The following TMEM232 variants were observed in gnomAD, a reference collection of about 807,000 sequenced individuals.
TMEM232 encodes the protein transmembrane protein 232.
In TMEM232, 80 loss-of-function variants were observed where a neutral mutation model predicts 78.8. The observed-to-expected ratio is 1.01, with a 90% CI of 0.85 to 1.22. The LOEUF is 1.22. Ranked by LOEUF, TMEM232 falls within the 50% of genes most tolerant of loss-of-function variation. The pLI, the probability that TMEM232 is intolerant of heterozygous loss-of-function variation, is 0.00. For synonymous variants in TMEM232, 297 were observed against 254.3 expected (o/e 1.17, Z -1.60); for missense variants, 881 against 742.2 (o/e 1.19, Z -2.17).
chr5:110,720,515 G>A (rs1797488334), intron 1 of TMEM232: 2 of 152,078 alleles, frequency 1.3e-5, no homozygotes, highest in Admixed American at 6.6e-5. Context: ...TCTGCACAAA[G>A]TTCAGCTTAC....
intron 1 of TMEM232, among the ~76,000 whole-genome samples, chr5:110,686,433 G>C (rs576510252): frequency 6.6e-6 from 1 of 151,886 alleles, no homozygotes; most frequent in Non-Finnish European, 1.5e-5. Context: ...GAGCCATTTT[G>C]GTTGTCCAAC....
chr5:110,537,793 C>T (rs896804784), intron 11 of TMEM232, among the ~76,000 whole-genome samples: 4 of 152,204 alleles, frequency 2.6e-5, no homozygotes, highest in Non-Finnish European at 5.9e-5. Flanking sequence ...TAAGGAAAAG[C>T]TAGAAAGCTA....
intron 1 of TMEM232, among the ~76,000 whole-genome samples, chr5:110,678,216 C>A (rs979824184): frequency 6.6e-6 from 1 of 152,136 alleles, no homozygotes; most frequent in African/African-American, 2.4e-5. Flanking sequence ...AGGCACCCAC[C>A]ACCAAGCCTG....
chr5:110,689,507 A>C (rs1793830387), intron 1 of TMEM232, among the ~76,000 whole-genome samples: 1 of 152,062 alleles, frequency 6.6e-6, no homozygotes, highest in African/African-American at 2.4e-5. Context: ...GTGCTTTAGA[A>C]ACCCTTGGAC....
intron 8 of TMEM232, among the ~76,000 whole-genome samples, chr5:110,613,140 C>T (rs1274368599): frequency 1.3e-5 from 2 of 152,056 alleles, no homozygotes; most frequent in African/African-American, 4.8e-5. Context: ...TTCCCTGTCC[C>T]CCAGCGAGGC....
At chr5:110,521,882 T>C (rs1322107003) in intron 12 of TMEM232, among the ~76,000 whole-genome samples, 7 of 152,182 alleles carry the variant, frequency 4.6e-5, no homozygotes, top group Non-Finnish European at 1.0e-4. Flanking sequence ...TATTTTGAAA[T>C]CAGAAAGTGT....
chr5:110,612,740 G>T (rs1449775377), intron 8 of TMEM232, among the ~76,000 whole-genome samples: 1 of 152,088 alleles, frequency 6.6e-6, no homozygotes, highest in Non-Finnish European at 1.5e-5. Flanking sequence ...TTTTGTGTTG[G>T]AAGATATAAT....
rs551710686 is a variant in TMEM232 at position 110,600,410 on chromosome 5, C to T, written c.1276+4699G>A. ...GAAAAGAATAACAAAATAGATAGAACGCTAGCCAGACTATTACAGAAGAAA... is the reference window on the plus strand; with the variant it reads ...GAAAAGAATAACAAAATAGATAGAATGCTAGCCAGACTATTACAGAAGAAA... On this transcript the variant is annotated intron_variant, in intron 10 of 13. Transcript: ENST00000455884. Among the ~76,000 whole-genome samples the T allele has an allele frequency of 6.6e-5, 10 of 152,000 alleles. No individual in the cohort carries two copies. In the South Asian group the frequency reaches 8.3e-4, roughly 13 times the overall value.
intron 8 of TMEM232, among the ~76,000 whole-genome samples, chr5:110,616,757 T>G (rs1003301084): frequency 3.9e-5 from 6 of 152,022 alleles, no homozygotes; most frequent in Non-Finnish European, 5.9e-5. Context: ...AATGACATTA[T>G]CACCTCACAC....
At chr5:110,418,372 G>A (rs528083309), downstream of TMEM232, among the ~76,000 whole-genome samples, 1 of 141,158 alleles carries the variant, frequency 7.1e-6, no homozygotes, top group Non-Finnish European at 1.6e-5. Flanking sequence ...CGTAACTAGA[G>A]TGTGATTCCA....
intron 11 of TMEM232, among the ~76,000 whole-genome samples, chr5:110,530,420 C>A (rs1771275856): frequency 6.6e-6 from 1 of 152,168 alleles, no homozygotes. Flanking sequence ...GAGAGAGCTG[C>A]CCTGCCATGT....
intron 11 of TMEM232, among the ~76,000 whole-genome samples, chr5:110,534,068 A>C (rs566081459): frequency 2.0e-5 from 3 of 152,148 alleles, no homozygotes; most frequent in Non-Finnish European, 2.9e-5. Context: ...AGCTTTACTC[A>C]ACATGCCCCA....
At chr5:110,573,196 C>A (rs943057802) in intron 10 of TMEM232, among the ~76,000 whole-genome samples, 1 of 151,868 alleles carries the variant, frequency 6.6e-6, no homozygotes, top group African/African-American at 2.4e-5. Flanking sequence ...GTGTTTGAAC[C>A]CTTTGATAGA....
At chr5:110,571,067 C>T (rs1053163817) in intron 10 of TMEM232, among the ~76,000 whole-genome samples, 3 of 152,002 alleles carry the variant, frequency 2.0e-5, no homozygotes, top group South Asian at 2.1e-4. Flanking sequence ...TGGCTTCTAT[C>T]GAGACTCCTG....
At position 110,693,973 on chromosome 5, in the gene TMEM232, G is replaced by A. The variant is rs542698155; in HGVS notation, c.-12-26609C>T. ...AGAGAATGCCACAAAGATACTCCTC[G>A]AGAAGAGCAACTCCAAGACACATTA... On this transcript the variant is annotated intron_variant, in intron 1 of 13. Transcript: ENST00000455884. Among the ~76,000 whole-genome samples the A allele has an allele frequency of 9.9e-5, 15 of 152,114 alleles. No homozygotes were observed. In the South Asian group the frequency reaches 1.7e-3, roughly 17 times the overall value.
intron 10 of TMEM232, among the ~76,000 whole-genome samples, chr5:110,594,962 T>C (rs1308952207): frequency 6.6e-6 from 1 of 152,206 alleles, no homozygotes; most frequent in African/African-American, 2.4e-5. Context: ...CGGTGACCCC[T>C]GTGCCTCCTG....
intron 12 of TMEM232, among the ~76,000 whole-genome samples, chr5:110,430,745 A>G (rs191233298): frequency 6.3e-4 from 95 of 151,920 alleles, no homozygotes; most frequent in Non-Finnish European, 7.1e-4. Flanking sequence ...AAAATTTTCA[A>G]TAACCTTTAG....
intron 12 of TMEM232, among the ~76,000 whole-genome samples, chr5:110,520,746 C>G (rs1227366786): frequency 6.6e-6 from 1 of 152,010 alleles, no homozygotes; most frequent in East Asian, 1.9e-4. Flanking sequence ...TGGAGAAACC[C>G]CATCTCTACT....
At chr5:110,409,259 A>T (rs2112579914) in intron 2 of TMEM232, among the ~76,000 whole-genome samples, 1 of 152,294 alleles carries the variant, frequency 6.6e-6, no homozygotes, top group East Asian at 1.9e-4. Flanking sequence ...TTCAATGCCA[A>T]ATCATAGTAT....
Sources: gnomAD v4.1 joint callset for allele counts (sites outside exome capture counted in the v4.1 genomes callset) on GRCh38, gnomAD v4.1.1 for gene constraint, MANE v1.5 for transcripts, NCBI Gene and HGNC (gene_info 2026-07-23, HGNC 2026-07-21) for gene names.